MAGI2: variants seen among roughly 807,000 people sequenced by gnomAD.
MAGI2 encodes membrane-associated guanylate kinase, WW and PDZ domain-containing protein 2.
A neutral mutation model predicts 133.3 loss-of-function variants in MAGI2; 35 were observed. That is an observed-to-expected ratio of 0.26 (90% CI 0.20 to 0.35). MAGI2 has a LOEUF of 0.35. Among genes scored for constraint, MAGI2 ranks in the 10% least tolerant of loss-of-function variants. The pLI is 1.00. For synonymous variants in MAGI2, 729 were observed against 710.6 expected, an observed-to-expected ratio of 1.03 and a Z score of -0.41; for missense variants, 1,636 against 1,863.4, an observed-to-expected ratio of 0.88 and a Z score of 2.25.
chr7:78,475,270 A>G (rs7791806), intron 6 of MAGI2, among the ~76,000 whole-genome samples: 32,262 of 151,900 alleles, frequency 0.21, 4,084 homozygotes, highest in African/African-American at 0.36. Flanking sequence ...AGTGATACAA[A>G]AATCATGCAG....
At chr7:78,902,803 C>T (rs1184916322) in intron 2 of MAGI2, among the ~76,000 whole-genome samples, 4 of 152,156 alleles carry the variant, frequency 2.6e-5, no homozygotes, top group East Asian at 1.9e-4. Context: ...GTAGTTCTCC[C>T]GGGCAACCAG....
chr7:78,550,215 C>T (rs902862385), intron 3 of MAGI2, among the ~76,000 whole-genome samples: 1 of 152,164 alleles, frequency 6.6e-6, no homozygotes, highest in African/African-American at 2.4e-5. Flanking sequence ...TTTGTTATAG[C>T]AGCCTGAATG....
chr7:78,526,236 G>A (rs910629565), intron 3 of MAGI2, among the ~76,000 whole-genome samples: 2 of 152,162 alleles, frequency 1.3e-5, no homozygotes, highest in Non-Finnish European at 2.9e-5. Context: ...TTCATTCAAA[G>A]CCACAGTCAA....
intron 1 of MAGI2, among the ~76,000 whole-genome samples, chr7:79,123,602 A>G (rs939325512): frequency 3.3e-5 from 5 of 151,988 alleles, no homozygotes; most frequent in African/African-American, 1.2e-4. Flanking sequence ...CCTGACCAAC[A>G]TGGTGAAACC....
intron 1 of MAGI2, among the ~76,000 whole-genome samples, chr7:79,315,315 T>TGC (rs1490570396): frequency 2.7e-5 from 4 of 146,836 alleles, no homozygotes; most frequent in Non-Finnish European, 6.0e-5. Flanking sequence ...TGTGCAACCA[T>TGC]GCCCAGTTAA....
intron 9 of MAGI2, among the ~76,000 whole-genome samples, chr7:78,332,717 AAGG>A (rs1789357544): frequency 8.4e-6 from 1 of 119,738 alleles, no homozygotes; most frequent in Non-Finnish European, 1.8e-5. Flanking sequence ...AAAAAAAAAA[AAGG>A]AGAGTAGTGG....
chr7:78,931,758 AATT>A (rs373452584), intron 2 of MAGI2, among the ~76,000 whole-genome samples: 12 of 152,090 alleles, frequency 7.9e-5, no homozygotes, highest in African/African-American at 2.7e-4. Flanking sequence ...CTTGCTTGTA[AATT>A]ATTATATCAT....
At chr7:78,128,507 G>T (rs183515491) in intron 18 of MAGI2, among the ~76,000 whole-genome samples, 3 of 151,530 alleles carry the variant, frequency 2.0e-5, no homozygotes, top group Admixed American at 6.6e-5. Context: ...GCAAGAAAAA[G>T]CTCAAATGTG....
intron 2 of MAGI2, among the ~76,000 whole-genome samples, chr7:78,656,418 A>G (rs1169756883): frequency 6.6e-6 from 1 of 152,212 alleles, no homozygotes; most frequent in African/African-American, 2.4e-5. Context: ...ACATTATGCT[A>G]AGTGAAATAA....
chr7:78,813,453 A>G (rs921985782), intron 2 of MAGI2, among the ~76,000 whole-genome samples: 4 of 152,226 alleles, frequency 2.6e-5, no homozygotes, highest in African/African-American at 9.7e-5. Flanking sequence ...GATGCAGTAG[A>G]AAATATTCAA....
intron 2 of MAGI2, among the ~76,000 whole-genome samples, chr7:78,664,314 C>G (rs1358553053): frequency 6.6e-6 from 1 of 152,042 alleles, no homozygotes; most frequent in Non-Finnish European, 1.5e-5. Context: ...TTTATGAAAC[C>G]TTAATTTTTC....
chr7:78,254,754 TGA>T (rs1792787250), intron 10 of MAGI2: 1 of 152,228 alleles, frequency 6.6e-6, no homozygotes, highest in Non-Finnish European at 1.5e-5. Context: ...CATTTCAAAC[TGA>T]GAGTTTCAGG....
chr7:78,387,685 G>C (rs746579905), intron 6 of MAGI2, among the ~76,000 whole-genome samples: 1 of 152,174 alleles, frequency 6.6e-6, no homozygotes, highest in Admixed American at 6.5e-5. Context: ...CCAGCACTTT[G>C]AGAGGCTGAG....
At chr7:78,404,488 A>G in intron 6 of MAGI2, among the ~76,000 whole-genome samples, 1 of 152,182 alleles carries the variant, frequency 6.6e-6, no homozygotes, top group Non-Finnish European at 1.5e-5. Flanking sequence ...CCAATGGAAC[A>G]GAACAGAGCC....
chr7:78,566,390 A>C (rs1338892192), intron 3 of MAGI2, among the ~76,000 whole-genome samples: 7 of 152,102 alleles, frequency 4.6e-5, no homozygotes, highest in Admixed American at 4.6e-4. Flanking sequence ...TGGCGGTTGG[A>C]ACAGGAAGAA....
intron 6 of MAGI2, among the ~76,000 whole-genome samples, chr7:78,395,012 TG>T (rs1192583030): frequency 6.6e-6 from 1 of 152,210 alleles, no homozygotes; most frequent in Non-Finnish European, 1.5e-5. Flanking sequence ...TAAGATACAA[TG>T]TATTTTTGTT....
chr7:79,173,039 T>C (rs1401146558), intron 1 of MAGI2: 2 of 152,024 alleles, frequency 1.3e-5, no homozygotes, highest in Non-Finnish European at 2.9e-5. Context: ...GTAGATATAA[T>C]TCTATAACTT....
chr7:79,282,124 C>T (rs552575855), intron 1 of MAGI2, among the ~76,000 whole-genome samples: 23 of 152,266 alleles, frequency 1.5e-4, no homozygotes, highest in African/African-American at 5.5e-4. Context: ...ATTAATCCCT[C>T]TGAAAATTTT....
At chr7:78,630,887 G>A (rs909244321) in intron 2 of MAGI2, among the ~76,000 whole-genome samples, 3 of 151,988 alleles carry the variant, frequency 2.0e-5, no homozygotes, top group Non-Finnish European at 2.9e-5. Context: ...GGAGGCTTCT[G>A]ACATGCTCCA....
Sources: allele counts gnomAD v4.1 joint callset (sites outside exome capture counted in the v4.1 genomes callset), GRCh38; gene constraint gnomAD v4.1.1; transcripts MANE v1.5; gene names NCBI Gene and HGNC (gene_info 2026-07-23, HGNC 2026-07-21).